The following DNAJB4 variants were observed in gnomAD, a reference collection of about 807,000 sequenced individuals.
DNAJB4 encodes the protein dnaJ homolog subfamily B member 4.
A neutral mutation model predicts 26.6 loss-of-function variants in DNAJB4; 10 were observed. The ratio of observed to expected loss-of-function variants is 0.38; its 90% CI spans 0.23 to 0.64. DNAJB4 has a LOEUF of 0.64. DNAJB4 is among the 30% of genes least tolerant of loss of function. The pLI is 0.58. For synonymous variants in DNAJB4, 136 were observed against 134.8 expected, an observed-to-expected ratio of 1.01 and a Z score of -0.06; for missense variants, 328 against 408.2, an observed-to-expected ratio of 0.80 and a Z score of 1.69.
rs1660028688 is a variant in DNAJB4 at position 77,995,073 on chromosome 1, A to G, written c.-31-10007A>G. Among the ~76,000 whole-genome samples the G allele has an allele frequency of 2.0e-5, 3 of 152,332 alleles. No individual in the cohort carries two copies. In the South Asian group the frequency reaches 6.2e-4, roughly 32 times the overall value. On this transcript the variant is annotated intron_variant, in intron 1 of 2. Transcript: ENST00000426517. Reference sequence around the variant, plus strand: ...CACATGAGACTCTTAAGCTACTGAAATGTACCTATCTGAATTGAGGTCAAA... The same window carrying G: ...CACATGAGACTCTTAAGCTACTGAAGTGTACCTATCTGAATTGAGGTCAAA...
At chr1:78,013,964 AC>A (rs1485118475) in intron 2 of DNAJB4, among the ~76,000 whole-genome samples, 1 of 152,070 alleles carries the variant, frequency 6.6e-6, no homozygotes, top group African/African-American at 2.4e-5. Flanking sequence ...ATAATTGCAT[AC>A]CAAAAAAGAT....
chr1:78,001,658 T>G (rs1197252988), upstream of DNAJB4, among the ~76,000 whole-genome samples: 1 of 152,206 alleles, frequency 6.6e-6, no homozygotes, highest in Non-Finnish European at 1.5e-5. Context: ...TTTAGTTTTT[T>G]GTGGTTAAAA....
chr1:77,982,687 A>T (rs1659683635), intron 1 of DNAJB4, among the ~76,000 whole-genome samples: 1 of 152,196 alleles, frequency 6.6e-6, no homozygotes, highest in South Asian at 2.1e-4. Context: ...AATCCCAGCT[A>T]CTCGGGAGGC....
chr1:77,997,394 T>G (rs2102598445), intron 1 of DNAJB4, among the ~76,000 whole-genome samples: 1 of 151,698 alleles, frequency 6.6e-6, no homozygotes, highest in Admixed American at 6.6e-5. Context: ...GGTGGTGGTG[T>G]GAGCCTGTAA....
chr1:77,990,938 AC>A (rs1229960894), intron 1 of DNAJB4, among the ~76,000 whole-genome samples: 1 of 152,168 alleles, frequency 6.6e-6, no homozygotes, highest in Non-Finnish European at 1.5e-5. Context: ...ATAAAACAGG[AC>A]CCCGCTGGTT....
chr1:78,010,688 A>T (rs879720464), intron 1 of DNAJB4, among the ~76,000 whole-genome samples: 1 of 152,218 alleles, frequency 6.6e-6, no homozygotes, highest in Non-Finnish European at 1.5e-5. Flanking sequence ...TTTTAATGGA[A>T]GAAGCCAAAT....
At chr1:78,000,210 G>GA (rs1479396546), upstream of DNAJB4, among the ~76,000 whole-genome samples, 4 of 151,918 alleles carry the variant, frequency 2.6e-5, no homozygotes, top group South Asian at 4.2e-4. Context: ...AATTTTCCTG[G>GA]AAAAAAAATT....
In DNAJB4 at chr1:78,011,786, A is replaced by G. The variant is rs374924104; in HGVS notation, c.212-1265A>G. 7.9e-5 allele frequency among the ~76,000 whole-genome samples: 12 copies of G among 151,928 alleles called. No homozygotes were observed. The East Asian group carries it at 2.1e-3, about 27-fold the overall frequency. ...GGTGTGAGCCACTGCACCTGGCCCT[A>G]TTTTAATTCCTAAACAGTAAAAGAT... On this transcript the variant is annotated intron_variant, in intron 1 of 2. Coordinates refer to ENST00000370763, the MANE Select transcript of DNAJB4 (RefSeq NM_007034.5).
At chr1:78,002,296 A>C (rs958107420), upstream of DNAJB4, among the ~76,000 whole-genome samples, 8 of 152,076 alleles carry the variant, frequency 5.3e-5, no homozygotes, top group African/African-American at 1.9e-4. Context: ...CCTCCCCCAA[A>C]TTGCCGCATT....
chr1:77,983,886 G>T (rs1659730410), intron 1 of DNAJB4, among the ~76,000 whole-genome samples: 1 of 152,180 alleles, frequency 6.6e-6, no homozygotes, highest in Admixed American at 6.5e-5. Flanking sequence ...AAATACACAA[G>T]TGTACAAGCT....
chr1:78,007,503 C>A (rs1330796851), intron 1 of DNAJB4, among the ~76,000 whole-genome samples: 2 of 152,076 alleles, frequency 1.3e-5, no homozygotes, highest in Non-Finnish European at 2.9e-5. Context: ...ATCACTTGAA[C>A]CCAAGAGGCA....
chr1:78,000,249 A>G (rs1223029198), upstream of DNAJB4, among the ~76,000 whole-genome samples: 1 of 152,242 alleles, frequency 6.6e-6, no homozygotes, highest in Non-Finnish European at 1.5e-5. Flanking sequence ...CATCATCATG[A>G]TAAGAGTAGC....
intron 1 of DNAJB4, among the ~76,000 whole-genome samples, chr1:77,991,674 C>T (rs1244350138): frequency 1.3e-5 from 2 of 151,732 alleles, no homozygotes; most frequent in Non-Finnish European, 3.0e-5. Context: ...AAACAAGTCT[C>T]CTTTTCATGG....
chr1:77,979,712 A>AGT (rs1659447506), upstream of DNAJB4: 1 of 152,218 alleles, frequency 6.6e-6, no homozygotes, highest in Non-Finnish European at 1.5e-5. Context: ...GAAGCCTGTT[A>AGT]GTTCTCGACC....
intron 1 of DNAJB4, among the ~76,000 whole-genome samples, chr1:78,005,540 G>T (rs1660311057): frequency 6.6e-6 from 1 of 152,028 alleles, no homozygotes; most frequent in African/African-American, 2.4e-5. Context: ...AAATGTCCTT[G>T]TTTGCCTTTT....
chr1:78,017,750 G>A lies in DNAJB4; in HGVS notation c.*1503G>A, dbSNP rs964930644. On this transcript the variant is annotated 3_prime_UTR_variant, in exon 3 of 3. Transcript: ENST00000370763. ...CTGTTCTGGACATTTCACATAAATA[G>A]ACTCAAACAATATATGGCTTTTTTT... is the stretch of plus-strand genomic sequence containing the variant. The A allele has an allele frequency of 1.8e-4, 26 of 144,096 alleles. No individual in the cohort carries two copies. Among genetic ancestry groups the A allele is most frequent in the African/African-American group, 6.7e-4 (26 of 38,820 alleles). The allele number at this position is 144,096 out of a possible 1,614,324, so 8.9% of individuals were successfully genotyped here. A position where few individuals can be genotyped will look rare whatever the true frequency, so the allele number is the denominator to read the frequency against.
At chr1:77,983,687 CAG>C (rs1183589357) in intron 1 of DNAJB4, among the ~76,000 whole-genome samples, 3 of 152,184 alleles carry the variant, frequency 2.0e-5, no homozygotes, top group Non-Finnish European at 4.4e-5. Context: ...GCACATGTTT[CAG>C]AGAGCACAGG....
chr1:78,017,070 C>T lies in DNAJB4; in HGVS notation c.*823C>T, dbSNP rs1318107517. 1 of 151,906 alleles carries T rather than the reference C, an allele frequency of 6.6e-6. No homozygotes were observed. The highest frequency in any genetic ancestry group is 2.4e-5 in the African/African-American group (1 of 41,378). 9.4% of individuals were successfully genotyped at this position (151,906 alleles called of 1,614,324 possible). The stretch of plus-strand genomic sequence containing the variant: ...ATGCTGTTACTTGGAATTAATTTTC[C>T]AGTTATACAGTCTTCTATAACTTAC... On this transcript the variant is annotated 3_prime_UTR_variant, in exon 3 of 3. Transcript: ENST00000370763.
intron 1 of DNAJB4, chr1:77,980,372 T>TGC (rs1659544915): frequency 3.3e-5 from 5 of 150,238 alleles, no homozygotes. Context: ...TGTGTGTGTG[T>TGC]GTAAATTGGT....
Sources: gnomAD v4.1 joint callset for allele counts (sites outside exome capture counted in the v4.1 genomes callset) on GRCh38, gnomAD v4.1.1 for gene constraint, MANE v1.5 for transcripts, NCBI Gene and HGNC (gene_info 2026-07-23, HGNC 2026-07-21) for gene names.